RPS6KC1: variants seen among roughly 807,000 people sequenced by gnomAD.
RPS6KC1 encodes the protein inactive ribosomal protein S6 kinase delta-1.
Under a neutral mutation model 103.8 loss-of-function variants are expected in RPS6KC1, and 54 were observed. The observed-to-expected ratio is 0.52, with a 90% confidence interval of 0.42 to 0.65. The LOEUF (loss-of-function observed/expected upper bound fraction) is 0.65. Ranked by LOEUF, RPS6KC1 falls within the 30% of genes least tolerant of loss-of-function variation. The probability of loss-of-function intolerance (pLI) is 0.00; values close to 1 mark genes in which losing one functional copy is unlikely to be tolerated. For missense variants in RPS6KC1, 1,151 were observed against 1,253.8 expected, an observed-to-expected ratio of 0.92 and a Z score of 1.24; for synonymous variants, 439 against 438.7, an observed-to-expected ratio of 1.00 and a Z score of -0.01.
the RPS6KC1 span, among the ~76,000 whole-genome samples, chr1:213,602,642 T>G: frequency 3.9e-5 from 6 of 152,278 alleles, no homozygotes; most frequent in Middle Eastern, 3.4e-3. Context: ...AGAGTTGATG[T>G]TTCAATTTTC....
At chr1:213,203,298 C>T (rs897453691) in intron 8 of RPS6KC1, among the ~76,000 whole-genome samples, 6 of 152,124 alleles carry the variant, frequency 3.9e-5, no homozygotes, top group Admixed American at 6.5e-5. Flanking sequence ...AAAAAGTTTC[C>T]GATTTTGGAG....
chr1:213,220,594 G>C (rs899381291), intron 8 of RPS6KC1, among the ~76,000 whole-genome samples: 1 of 152,108 alleles, frequency 6.6e-6, no homozygotes. Context: ...CAAAGTGCTG[G>C]GATTGCAGAT....
chr1:213,515,370 A>G, the RPS6KC1 span, among the ~76,000 whole-genome samples: 6 of 152,168 alleles, frequency 3.9e-5, no homozygotes, highest in Non-Finnish European at 7.3e-5. Context: ...TAGGTCTAAC[A>G]TTTAAGTCTT....
chr1:213,462,557 T>C, the RPS6KC1 span, among the ~76,000 whole-genome samples: 3 of 152,188 alleles, frequency 2.0e-5, no homozygotes, highest in African/African-American at 7.2e-5. Flanking sequence ...ATATATACCA[T>C]GGAATACTAT....
chr1:213,070,876 A>G (rs994132362), intron 1 of RPS6KC1, 130 bp from the exon 2 acceptor site: 19 of 579,836 alleles, frequency 3.3e-5, no homozygotes, highest in Non-Finnish European at 5.4e-5. Context: ...AGTTTTGGAT[A>G]AATGATATAG....
At chr1:213,712,996 G>A in the RPS6KC1 span, among the ~76,000 whole-genome samples, 3 of 152,114 alleles carry the variant, frequency 2.0e-5, no homozygotes, top group African/African-American at 4.8e-5. Context: ...TTACTGTAAA[G>A]GCACTTTTTA....
At chr1:213,280,235 G>GA in the RPS6KC1 span, among the ~76,000 whole-genome samples, 15 of 152,308 alleles carry the variant, frequency 9.8e-5, no homozygotes, top group Admixed American at 6.5e-4. Context: ...AAGAGCACTT[G>GA]ATGGGCAGTG....
intron 4 of RPS6KC1, among the ~76,000 whole-genome samples, chr1:213,114,559 G>A (rs958707677): frequency 6.6e-6 from 1 of 151,688 alleles, no homozygotes; most frequent in Non-Finnish European, 1.5e-5. Context: ...TCCTTCTTCT[G>A]CCTAATTGCC....
the RPS6KC1 span, among the ~76,000 whole-genome samples, chr1:213,307,123 C>T: frequency 4.3e-5 from 6 of 140,336 alleles, no homozygotes; most frequent in East Asian, 4.3e-4. Context: ...AGTGCAGTGG[C>T]GCGATCTTGG....
the RPS6KC1 span, among the ~76,000 whole-genome samples, chr1:213,759,634 C>T: frequency 8.5e-5 from 13 of 152,218 alleles, no homozygotes; most frequent in African/African-American, 2.9e-4. Context: ...CACCTCTGTC[C>T]TCAGCCCCCA....
chr1:213,699,563 G>A, the RPS6KC1 span, among the ~76,000 whole-genome samples: 1 of 151,988 alleles, frequency 6.6e-6, no homozygotes, highest in African/African-American at 2.4e-5. Context: ...CTTCCTTTTG[G>A]GTATATACCC....
chr1:213,428,166 G>C, the RPS6KC1 span, among the ~76,000 whole-genome samples: 2 of 152,208 alleles, frequency 1.3e-5, no homozygotes, highest in South Asian at 2.1e-4. Flanking sequence ...GAGCCTCACA[G>C]AGGCTGCCTC....
chr1:213,128,798 C>T (rs896320430), intron 5 of RPS6KC1, among the ~76,000 whole-genome samples: 1 of 152,066 alleles, frequency 6.6e-6, no homozygotes, highest in Non-Finnish European at 1.5e-5. Context: ...GTTGAGTATC[C>T]CTAATCTGAA....
the RPS6KC1 span, among the ~76,000 whole-genome samples, chr1:213,860,248 T>G: frequency 1.3e-5 from 2 of 151,660 alleles, no homozygotes; most frequent in Non-Finnish European, 2.9e-5. Flanking sequence ...GATAGATTTT[T>G]TTAAATATCA....
At chr1:213,786,138 A>C in the RPS6KC1 span, among the ~76,000 whole-genome samples, 2 of 152,292 alleles carry the variant, frequency 1.3e-5, no homozygotes, top group East Asian at 3.9e-4. Flanking sequence ...GGAGAAAAGA[A>C]AGGTTCAATG....
chr1:213,824,806 C>T, the RPS6KC1 span, among the ~76,000 whole-genome samples: 1 of 152,184 alleles, frequency 6.6e-6, no homozygotes, highest in African/African-American at 2.4e-5. Context: ...CCATTAAACC[C>T]CTTTTTCCTG....
At chr1:213,318,755 A>G in the RPS6KC1 span, among the ~76,000 whole-genome samples, 1 of 152,184 alleles carries the variant, frequency 6.6e-6, no homozygotes, top group Non-Finnish European at 1.5e-5. Flanking sequence ...CTTATTCACT[A>G]TCATGAGAAC....
chr1:213,737,410 G>C, the RPS6KC1 span, among the ~76,000 whole-genome samples: 2 of 152,170 alleles, frequency 1.3e-5, no homozygotes. Context: ...AGTTACTAAG[G>C]AATCAAAATG....
the RPS6KC1 span, among the ~76,000 whole-genome samples, chr1:213,473,308 T>C: frequency 6.6e-6 from 1 of 152,238 alleles, no homozygotes; most frequent in Non-Finnish European, 1.5e-5. Context: ...CAGCACTTTG[T>C]GCAAAATCTG....
Sources: allele counts gnomAD v4.1 joint callset (sites outside exome capture counted in the v4.1 genomes callset), GRCh38; gene constraint gnomAD v4.1.1; transcripts MANE v1.5; gene names NCBI Gene and HGNC (gene_info 2026-07-23, HGNC 2026-07-21).